Variants in DYNC2LI1 observed in about 807,000 individuals in gnomAD.
The protein encoded by DYNC2LI1 is dynein cytoplasmic 2 light intermediate chain 1.
DYNC2LI1 carries 45 observed loss-of-function variants against 51.9 expected under a neutral mutation model. The ratio of observed to expected loss-of-function variants is 0.87; its 90% CI spans 0.68 to 1.11. The LOEUF (loss-of-function observed/expected upper bound fraction) is 1.11. Ranked by LOEUF, DYNC2LI1 falls within the 50% of genes most tolerant of loss-of-function variation. DYNC2LI1 has a pLI of 0.00. For missense variants in DYNC2LI1, 490 were observed against 417.4 expected (o/e 1.17, Z -1.51); for synonymous variants, 130 against 137.8 (o/e 0.94, Z 0.40).
chr2:43,805,950 C>T (rs1384710861), intron 12 of DYNC2LI1, among the ~76,000 whole-genome samples: 2 of 151,560 alleles, frequency 1.3e-5, no homozygotes, highest in East Asian at 1.9e-4. Context: ...GGCATGACCT[C>T]GGCTCACTAC....
intron 8 of DYNC2LI1, 148 bp downstream of exon 8, chr2:43,796,943 G>A: frequency 1.6e-6 from 1 of 633,144 alleles, no homozygotes; most frequent in East Asian, 2.7e-5. Context: ...TCTCCTTACA[G>A]AGTGTTTGAT....
chr2:43,820,190 G>A, the DYNC2LI1 span: 1 of 1,476,502 alleles, frequency 6.8e-7, no homozygotes, highest in Non-Finnish European at 9.3e-7. Flanking sequence ...ATCCTTTGTG[G>A]TGAGTGGGTG....
intron 3 of DYNC2LI1, among the ~76,000 whole-genome samples, chr2:43,785,431 A>G (rs1380558118): frequency 6.6e-6 from 1 of 151,716 alleles, no homozygotes; most frequent in Non-Finnish European, 1.5e-5. Flanking sequence ...TGAGCCAGAA[A>G]CAAAAAAAAC....
intron 10 of DYNC2LI1, 103 bp downstream of exon 10, chr2:43,801,812 C>T (rs1049169780): frequency 5.1e-6 from 4 of 782,316 alleles, no homozygotes; most frequent in Non-Finnish European, 8.3e-6. Flanking sequence ...TTTCTGGTTT[C>T]ATTATCATTG....
chr2:43,782,757 A>G (rs1052873850), intron 2 of DYNC2LI1, among the ~76,000 whole-genome samples: 1 of 152,038 alleles, frequency 6.6e-6, no homozygotes, highest in Admixed American at 6.6e-5. Flanking sequence ...TGAGGTGGGC[A>G]GATTAGATGA....
intron 12 of DYNC2LI1, among the ~76,000 whole-genome samples, chr2:43,805,712 A>C (rs974251112): frequency 2.0e-5 from 3 of 152,150 alleles, no homozygotes; most frequent in African/African-American, 7.2e-5. Context: ...ATCTGAAAGC[A>C]CACAGACATA....
intron 12 of DYNC2LI1, among the ~76,000 whole-genome samples, chr2:43,805,738 G>T (rs930045429): frequency 2.0e-5 from 3 of 152,016 alleles, no homozygotes; most frequent in Non-Finnish European, 4.4e-5. Context: ...CATAACCCAG[G>T]TTCTCTCAGG....
At chr2:43,789,350 T>C (rs1319531007) in intron 4 of DYNC2LI1, among the ~76,000 whole-genome samples, 1 of 152,202 alleles carries the variant, frequency 6.6e-6, no homozygotes, top group African/African-American at 2.4e-5. Context: ...ATGCTACATA[T>C]GTTATTTACA....
At chr2:43,824,106 T>C in the DYNC2LI1 span, 9 of 1,614,204 alleles carry the variant, frequency 5.6e-6, no homozygotes, top group Non-Finnish European at 7.6e-6. Flanking sequence ...TCACCAAGTT[T>C]CTTGTCACTC....
intron 1 of DYNC2LI1, among the ~76,000 whole-genome samples, chr2:43,776,143 A>T (rs1272034555): frequency 6.6e-6 from 1 of 151,834 alleles, no homozygotes; most frequent in African/African-American, 2.4e-5. Flanking sequence ...CCATTAATTC[A>T]TCATTTACAT....
the DYNC2LI1 span, among the ~76,000 whole-genome samples, chr2:43,818,425 C>G: frequency 1.3e-5 from 2 of 152,148 alleles, no homozygotes; most frequent in Admixed American, 6.5e-5. Flanking sequence ...GCCTGGGCGG[C>G]AGAGTGAAAC....
At chr2:43,814,752 C>A (rs1470647504), downstream of DYNC2LI1, among the ~76,000 whole-genome samples, 1 of 152,080 alleles carries the variant, frequency 6.6e-6, no homozygotes. Flanking sequence ...CAACATTGAA[C>A]AATATAAAGA....
chr2:43,823,626 A>T, the DYNC2LI1 span, among the ~76,000 whole-genome samples: 1 of 152,136 alleles, frequency 6.6e-6, no homozygotes, highest in East Asian at 1.9e-4. Flanking sequence ...GGCCAAGATG[A>T]GATAGGAGGA....
At chr2:43,777,183 C>T (rs1460431780) in intron 2 of DYNC2LI1, among the ~76,000 whole-genome samples, 2 of 152,136 alleles carry the variant, frequency 1.3e-5, no homozygotes, top group African/African-American at 4.8e-5. Flanking sequence ...ATATCTAAGT[C>T]AGTCTCTAAA....
chr2:43,812,638 G>A (rs1049844301), downstream of DYNC2LI1: 20 of 181,654 alleles, frequency 1.1e-4, no homozygotes, highest in Non-Finnish European at 2.3e-4. Flanking sequence ...GGTCTTCCAG[G>A]AACAGAAGCA....
chr2:43,795,432 A>G (rs970587078), intron 6 of DYNC2LI1, among the ~76,000 whole-genome samples: 1 of 152,104 alleles, frequency 6.6e-6, no homozygotes, highest in Non-Finnish European at 1.5e-5. Context: ...TGAACCTGGG[A>G]AGTGGAGGTT....
the DYNC2LI1 span, chr2:43,820,013 A>G: frequency 1.2e-6 from 2 of 1,614,238 alleles, no homozygotes; most frequent in Non-Finnish European, 1.7e-6. Context: ...GTAGCACAAG[A>G]GTTAGAAATT....
chr2:43,791,014 A>G (rs1307044983), intron 5 of DYNC2LI1, among the ~76,000 whole-genome samples: 1 of 152,166 alleles, frequency 6.6e-6, no homozygotes, highest in Non-Finnish European at 1.5e-5. Flanking sequence ...CTGGAGTTCA[A>G]GACCAGCCTG....
the DYNC2LI1 span, chr2:43,819,950 G>A: frequency 6.2e-7 from 1 of 1,614,038 alleles, no homozygotes; most frequent in Non-Finnish European, 8.5e-7. Context: ...CCCCCGCAAT[G>A]GACAGCAGAG....
Sources: gnomAD v4.1 joint callset for allele counts (sites outside exome capture counted in the v4.1 genomes callset) on GRCh38, gnomAD v4.1.1 for gene constraint, MANE v1.5 for transcripts, NCBI Gene and HGNC (gene_info 2026-07-23, HGNC 2026-07-21) for gene names.